The following DPEP3 variants were observed in gnomAD, a reference collection of about 807,000 sequenced individuals.
The protein encoded by DPEP3 is membrane-bound dipeptidase 3.
In DPEP3, 42 loss-of-function variants were observed where a neutral mutation model predicts 47.5. The ratio of observed to expected loss-of-function variants is 0.88; its 90% CI spans 0.69 to 1.14. The LOEUF is 1.14. Among genes scored for constraint, DPEP3 ranks in the 50% most tolerant of loss-of-function variants. The pLI, the probability that DPEP3 is intolerant of heterozygous loss-of-function variation, is 0.00. For missense variants in DPEP3, 560 were observed against 635.0 expected (o/e 0.88, Z 1.27); for synonymous variants, 276 against 270.2 (o/e 1.02, Z -0.21).
Position 67,978,489 on chromosome 16 carries a change from T to C in DPEP3, c.544+8A>G, listed in dbSNP as rs940133461. The C allele has an allele frequency of 1.9e-6, 3 of 1,614,070 alleles. No homozygotes were observed. The highest frequency in any genetic ancestry group is 1.7e-6 in the Non-Finnish European group (2 of 1,179,932). ...GACATCCTGACTACCTCTCATCTGC[T>C]GGCCCACCTTCAGCTGAGGTCACAA... On this transcript the variant is annotated splice_region_variant and intron_variant, in intron 3 of 9. Transcript: ENST00000268793. The surrounding 1 kb of genome is among the most constrained non-coding windows in gnomAD (Gnocchi z 4.4).
chr16:67,975,687 A>G lies in DPEP3; in HGVS notation c.*78T>C, dbSNP rs1945601811. Reference sequence around the variant, plus strand: ...CTCCATGTGTAACATGTTTATTCTCAGCATATGCTTGTGAATGAACTAGGA... The same window carrying G: ...CTCCATGTGTAACATGTTTATTCTCGGCATATGCTTGTGAATGAACTAGGA... On this transcript the variant is annotated 3_prime_UTR_variant, in exon 10 of 10. Coordinates refer to ENST00000268793, the MANE Select transcript of DPEP3 (RefSeq NM_001370198.1). 7.5e-7 allele frequency: 1 copy of G among 1,328,384 alleles called. No individual in the cohort carries two copies. The highest frequency in any genetic ancestry group is 1.3e-5 in the South Asian group (1 of 75,334). The allele number at this position is 1,328,384 out of a possible 1,614,324, so 82.3% of individuals were successfully genotyped here. A position where few individuals can be genotyped will look rare whatever the true frequency, so the allele number is the denominator to read the frequency against.
chr16:67,980,167 G>T lies in DPEP3; in HGVS notation c.214C>A (p.Pro72Thr), dbSNP rs2031292253. The T allele has an allele frequency of 4.3e-6, 7 of 1,612,120 alleles. No homozygotes were observed. The highest frequency in any genetic ancestry group is 5.9e-6 in the Non-Finnish European group (7 of 1,179,240). ...SALTTPGLTT[P>T]GTPKTLDLRG... The stretch of plus-strand genomic sequence containing the variant: ...AGGTCCAGGGTTTTGGGGGTGCCTG[G>T]CGTAGTGAGGCCTGGGGTAGTGAGG... The change falls in exon 1 of 10, where the codon CCA becomes ACA. Residue 72 changes from proline to threonine, a missense_variant. By Grantham distance (38) the Pro-to-Thr change is conservative. Transcript: ENST00000268793.
chr16:67,977,568 G>A, intron 6 of DPEP3, 85 bp downstream of exon 6: 1 of 1,488,098 alleles, frequency 6.7e-7, no homozygotes, highest in Non-Finnish European at 9.0e-7. Context: ...AAGGGTGTGT[G>A]AAACCTGGGC....
In DPEP3 at chr16:67,978,122, CT is replaced by C. The variant is rs2031241055; in HGVS notation, c.687-116del. On this transcript the variant is annotated intron_variant, in intron 4 of 9. Transcript: ENST00000268793. This position sits in a 1 kb window ranked among gnomAD's most constrained non-coding sequence, Gnocchi z 4.4. ...TCCAGAACAGGTGCAGAACCAGCTGCTTTCTGGGATTGTGAGGGACCCACTG... is the reference window on the plus strand; with the variant it reads ...TCCAGAACAGGTGCAGAACCAGCTGCTTCTGGGATTGTGAGGGACCCACTG... 1.3e-6 allele frequency: 2 copies of C among 1,574,198 alleles called. No individual in the cohort carries two copies. Among genetic ancestry groups the C allele is most frequent in the Non-Finnish European group, 1.7e-6 (2 of 1,147,872 alleles).
intron 1 of DPEP3, 86 bp downstream of exon 1, chr16:67,980,008 T>A (rs2031287468): frequency 5.3e-6 from 8 of 1,504,004 alleles, no homozygotes; most frequent in Non-Finnish European, 7.1e-6. Flanking sequence ...GCCTCCTTGA[T>A]AGCCTCCTTG....
Position 67,980,105 on chromosome 16 carries a change from T to C in DPEP3, c.276A>G (p.Pro92=), listed in dbSNP as rs1020761849. The change falls in exon 1 of 10, where the codon CCA becomes CCG. Residue 92 remains proline (P), a synonymous_variant. Coordinates refer to ENST00000268793, the MANE Select transcript of DPEP3 (RefSeq NM_001370198.1). ...CTGCACCTACATACCCGTCCACGAG[T>C]GGGAAACTCCGCATCAGGGCCTGCG... The part of the protein sequence containing the change: ...GRAQALMRSF[P]LVDGHNDLPQ... 4.3e-6 allele frequency: 7 copies of C among 1,610,612 alleles called. No homozygotes were observed. The highest frequency in any genetic ancestry group is 5.9e-6 in the Non-Finnish European group (7 of 1,178,702).
chr16:67,976,612 C>T (rs2031200329), intron 8 of DPEP3, 88 bp downstream of exon 8: 2 of 1,293,456 alleles, frequency 1.5e-6, no homozygotes, highest in East Asian at 4.9e-5. Flanking sequence ...TGGCTGAGGC[C>T]TGGATGGGAG....
intron 9 of DPEP3, 28 bp from the exon 10 acceptor site, chr16:67,976,029 C>T (rs1156528561): frequency 6.2e-7 from 1 of 1,613,420 alleles, no homozygotes; most frequent in African/African-American, 1.3e-5. Flanking sequence ...CAGTCAGAGG[C>T]TCCCACAGCA....
Position 67,976,749 on chromosome 16 carries a change from T to C in DPEP3, c.1045A>G (p.Ile349Val), listed in dbSNP as rs1240421619. ...CCAATCCCGATGAACTCAGATCCAA[T>C]GACTGCCCTGATGTGGTCAAAGTGA... ...ADHFDHIRAV[I>V]GSEFIGIGGN... Residue 349 changes from isoleucine (I) to valine (V), a missense_variant, in exon 8 of 10, where the codon ATT (isoleucine) becomes GTT (valine). Transcript: ENST00000268793. The C allele has an allele frequency of 6.2e-7, 1 of 1,614,070 alleles. No individual in the cohort carries two copies. Among genetic ancestry groups the C allele is most frequent in the Admixed American group, 1.7e-5 (1 of 60,006 alleles).
chr16:67,978,261 G>A lies in DPEP3; in HGVS notation c.686+6C>T. 1.2e-6 allele frequency: 2 copies of A among 1,614,124 alleles called. No homozygotes were observed. Among genetic ancestry groups the A allele is most frequent in the Non-Finnish European group, 1.7e-6 (2 of 1,180,008 alleles). On this transcript the variant is annotated splice_donor_region_variant and intron_variant, in intron 4 of 9. Coordinates refer to ENST00000268793, the MANE Select transcript of DPEP3 (RefSeq NM_001370198.1). The surrounding 1 kb of genome is among the most constrained non-coding windows in gnomAD (Gnocchi z 4.4). ...ATCTAGCATCCTGGCCAGGTGTTATGCTCACCATGGTGTACTGCAGGTGAA... is the reference window on the plus strand; with the variant it reads ...ATCTAGCATCCTGGCCAGGTGTTATACTCACCATGGTGTACTGCAGGTGAA...
At chr16:67,976,817 C>A in intron 7 of DPEP3, 42 bp from the exon 8 acceptor site, 1 of 1,560,830 alleles carries the variant, frequency 6.4e-7, no homozygotes, top group South Asian at 1.1e-5. Context: ...GCTAGTTAGA[C>A]CCTGGCACCA....
Position 67,980,105 on chromosome 16 carries a change from T to A in DPEP3, c.276A>T (p.Pro92=). 6.2e-7 allele frequency: 1 copy of A among 1,610,730 alleles called. No individual in the cohort carries two copies. Among genetic ancestry groups the A allele is most frequent in the Non-Finnish European group, 8.5e-7 (1 of 1,178,694 alleles). The change falls in exon 1 of 10, where the codon CCA becomes CCT. Residue 92 remains proline, a synonymous_variant. Coordinates refer to ENST00000268793, the MANE Select transcript of DPEP3 (RefSeq NM_001370198.1). ...GRAQALMRSF[P]LVDGHNDLPQ... is the part of the protein sequence containing the mutation. ...CTGCACCTACATACCCGTCCACGAG[T>A]GGGAAACTCCGCATCAGGGCCTGCG...
intron 1 of DPEP3, 69 bp downstream of exon 1, chr16:67,980,025 T>A: frequency 6.5e-7 from 1 of 1,533,466 alleles, no homozygotes; most frequent in Non-Finnish European, 8.8e-7. Flanking sequence ...CTTGATAGCA[T>A]GCTCAGAACC....
At position 67,978,723 on chromosome 16, in the gene DPEP3, T is replaced by C. The variant is rs926879701; in HGVS notation, c.415-97A>G. On this transcript the variant is annotated intron_variant, in intron 2 of 9. Coordinates refer to ENST00000268793, the MANE Select transcript of DPEP3 (RefSeq NM_001370198.1). The surrounding 1 kb of genome is among the most constrained non-coding windows in gnomAD (Gnocchi z 4.4). ...TCAGACCCCATAACACCCATTTGGG[T>C]CAGTGGCCCCAAGTGAGGCACTACA... is the stretch of plus-strand genomic sequence containing the variant. The C allele has an allele frequency of 4.0e-6, 6 of 1,489,070 alleles. No homozygotes were observed. In the Admixed American group the frequency reaches 9.8e-5, roughly 24 times the overall value. 92.2% of individuals were successfully genotyped at this position (1,489,070 alleles called of 1,614,324 possible).
rs57136942 is a variant in DPEP3, at chr16:67,977,751, G to C, written c.835C>G (p.Leu279Val). 2.4e-3 allele frequency: 3,833 copies of C among 1,613,682 alleles called. 73 individuals carry two copies. In the African/African-American group the frequency reaches 0.044, roughly 19 times the overall value. ...YASDTLIRRV[L>V]EVSQAPVIFS... ...ATCACAGGAGCCTGAGACACTTCCA[G>C]GACCCTTCTTATCAAGGTGTCCGAT... Residue 279 changes from leucine to valine, a missense_variant, in exon 6 of 10, where the codon CTG (leucine) becomes GTG (valine). Physicochemically the swap from Leu to Val is conservative, Grantham distance 32. Transcript: ENST00000268793.
rs757063157 is a variant in DPEP3 at position 67,980,413 on chromosome 16, G to C, written c.-33C>G. ...GGGGGTCGGCCGCGGGAGCCTGGGA[G>C]GAGCAGGCGATGGGCAGAGGCCGAC... On this transcript the variant is annotated 5_prime_UTR_variant, in exon 1 of 10. Transcript: ENST00000268793. The C allele has an allele frequency of 2.0e-6, 3 of 1,494,882 alleles. No individual in the cohort carries two copies. The highest frequency in any genetic ancestry group is 2.7e-6 in the Non-Finnish European group (3 of 1,122,962). The allele number at this position is 1,494,882 out of a possible 1,614,324, so 92.6% of individuals were successfully genotyped here. A position where few individuals can be genotyped will look rare whatever the true frequency, so the allele number is the denominator to read the frequency against.
chr16:67,979,231 G>A (rs1003274119), intron 2 of DPEP3, among the ~76,000 whole-genome samples: 3 of 152,144 alleles, frequency 2.0e-5, no homozygotes, highest in East Asian at 3.9e-4. Context: ...GCTTGAACCC[G>A]GGAGGCGGAG....
At chr16:67,977,880 GTGTACA>G in intron 5 of DPEP3, 51 bp from the exon 6 acceptor site, 1 of 1,613,880 alleles carries the variant, frequency 6.2e-7, no homozygotes, top group Non-Finnish European at 8.5e-7. Flanking sequence ...GGGTGCAAAG[GTGTACA>G]CACATATCCG....
intron 8 of DPEP3, 69 bp from the exon 9 acceptor site, chr16:67,976,297 C>A: frequency 6.3e-7 from 1 of 1,587,446 alleles, no homozygotes; most frequent in Non-Finnish European, 8.6e-7. Flanking sequence ...CGCTGCCCAC[C>A]AGCCCTAGTC....
Sources: allele counts gnomAD v4.1 joint callset (sites outside exome capture counted in the v4.1 genomes callset), GRCh38; gene constraint gnomAD v4.1.1; non-coding constraint Gnocchi (gnomAD v3.1); transcripts MANE v1.5; gene names NCBI Gene and HGNC (gene_info 2026-07-23, HGNC 2026-07-21).